INPP5A: variants seen among roughly 807,000 people sequenced by gnomAD.
INPP5A encodes 43 kDa inositol polyphosphate 5-phophatase.
A neutral mutation model predicts 65.2 loss-of-function variants in INPP5A; 14 were observed. The observed-to-expected ratio is 0.21, with a 90% CI of 0.14 to 0.34. INPP5A has a LOEUF of 0.34. Ranked by LOEUF, INPP5A falls within the 10% of genes least tolerant of loss-of-function variation. INPP5A has a pLI of 1.00. For synonymous variants in INPP5A, 207 were observed against 208.3 expected (o/e 0.99, Z 0.05); for missense variants, 431 against 545.6 (o/e 0.79, Z 2.09).
At chr10:132,577,374 G>T (rs1324758437) in intron 1 of INPP5A, among the ~76,000 whole-genome samples, 3 of 152,258 alleles carry the variant, frequency 2.0e-5, no homozygotes, top group Non-Finnish European at 4.4e-5. Flanking sequence ...GGGGTCAAAA[G>T]GTGGTGGGGT....
chr10:132,723,149 C>T (rs539691408), intron 8 of INPP5A, among the ~76,000 whole-genome samples: 16 of 152,342 alleles, frequency 1.1e-4, no homozygotes, highest in Middle Eastern at 3.4e-3. Flanking sequence ...CCAGACAGGA[C>T]GATGACGCGG....
intron 1 of INPP5A, among the ~76,000 whole-genome samples, chr10:132,569,577 C>T (rs1397460716): frequency 3.3e-5 from 5 of 152,174 alleles, no homozygotes; most frequent in African/African-American, 9.7e-5. Flanking sequence ...AGGCTGGTCT[C>T]GAACTCCTGA....
intron 1 of INPP5A, among the ~76,000 whole-genome samples, chr10:132,548,284 C>T (rs1237506500): frequency 1.3e-5 from 2 of 152,002 alleles, no homozygotes; most frequent in East Asian, 1.9e-4. Flanking sequence ...GTCCCCGGAC[C>T]GTGGTGGTGT....
intron 1 of INPP5A, among the ~76,000 whole-genome samples, chr10:132,548,792 CTTT>C (rs71013535): frequency 5.0e-5 from 4 of 79,312 alleles, no homozygotes; most frequent in Admixed American, 3.1e-4. Flanking sequence ...GTTTATCTGG[CTTT>C]TTTTTTTTTT....
At chr10:132,716,021 C>T (rs534434895) in intron 8 of INPP5A, among the ~76,000 whole-genome samples, 386 of 152,350 alleles carry the variant, frequency 2.5e-3, no homozygotes, top group African/African-American at 7.4e-3. Context: ...CACTGCTGCC[C>T]GGCAGGAGGG....
chr10:132,695,247 C>A (rs1030261844), intron 5 of INPP5A, among the ~76,000 whole-genome samples: 1 of 152,032 alleles, frequency 6.6e-6, no homozygotes, highest in African/African-American at 2.4e-5. Flanking sequence ...AGGAAAATCA[C>A]ATGATCATAG....
At chr10:132,559,645 C>T (rs182634573) in intron 1 of INPP5A, among the ~76,000 whole-genome samples, 1 of 147,166 alleles carries the variant, frequency 6.8e-6, no homozygotes, top group Non-Finnish European at 1.5e-5. Flanking sequence ...CTCACTTACT[C>T]AGCACGTGTG....
At chr10:132,685,484 A>T (rs1401569048) in intron 4 of INPP5A, among the ~76,000 whole-genome samples, 1 of 152,200 alleles carries the variant, frequency 6.6e-6, no homozygotes, top group Admixed American at 6.5e-5. Context: ...AGTTTTAGGA[A>T]TGTGTTCTGT....
intron 9 of INPP5A, among the ~76,000 whole-genome samples, chr10:132,730,306 C>T (rs1347257543): frequency 6.6e-6 from 1 of 152,266 alleles, no homozygotes; most frequent in Non-Finnish European, 1.5e-5. Flanking sequence ...CCGCCCCCAT[C>T]ACGCTGGTGT....
chr10:132,616,380 C>T lies in INPP5A; in HGVS notation c.117+8424C>T, dbSNP rs773846259. Among the ~76,000 whole-genome samples the T allele has an allele frequency of 6.7e-6, 1 of 149,296 alleles. No homozygotes were observed. The highest frequency in any genetic ancestry group is 1.5e-5 in the Non-Finnish European group (1 of 67,126). ...ACGTGGCGTGCGGGGACGCCGTGGG[C>T]GTGGTGTGAGGTATGTGGCGTGCGG... On this transcript the variant is annotated intron_variant, in intron 2 of 15. Transcript: ENST00000368594. The surrounding 1 kb of genome is among the most constrained non-coding windows in gnomAD (Gnocchi z 4.9).
intron 2 of INPP5A, among the ~76,000 whole-genome samples, chr10:132,631,075 C>T (rs1474313511): frequency 6.6e-6 from 1 of 152,212 alleles, no homozygotes; most frequent in Non-Finnish European, 1.5e-5. Flanking sequence ...TCCCACACCC[C>T]TCCCCATGGT....
intron 2 of INPP5A, among the ~76,000 whole-genome samples, chr10:132,615,110 G>A (rs995150479): frequency 9.2e-5 from 14 of 152,346 alleles, no homozygotes; most frequent in African/African-American, 2.6e-4. Context: ...GGGATGGTGC[G>A]TGGGGCAAGA....
At chr10:132,557,322 G>A (rs1294916153) in intron 1 of INPP5A, among the ~76,000 whole-genome samples, 5 of 152,244 alleles carry the variant, frequency 3.3e-5, no homozygotes, top group African/African-American at 4.8e-5. Context: ...GCTCAGTGCC[G>A]GGCAGATGTG....
chr10:132,622,336 A>G (rs2072122473), intron 2 of INPP5A, among the ~76,000 whole-genome samples: 1 of 150,374 alleles, frequency 6.7e-6, no homozygotes, highest in Non-Finnish European at 1.5e-5. Context: ...TGGAAGACTC[A>G]GTTACGCTGA....
Position 132,690,526 on chromosome 10 carries a change from C to T in INPP5A, c.370+71C>T, listed in dbSNP as rs1845241601. The T allele has an allele frequency of 3.6e-6, 4 of 1,111,626 alleles. No homozygotes were observed. The Admixed American group carries it at 7.0e-5, about 19-fold the overall frequency. 68.9% of individuals were successfully genotyped at this position (1,111,626 alleles called of 1,614,324 possible). ...CCTCCTGGTGTCTGGCTTCCCCAGA[C>T]CTCTCCTGCCCTGTCTCTGTGAGTG... On this transcript the variant is annotated intron_variant, in intron 5 of 15. Coordinates refer to ENST00000368594, the MANE Select transcript of INPP5A (RefSeq NM_005539.5).
chr10:132,696,566 C>A (rs1845347247), intron 5 of INPP5A, among the ~76,000 whole-genome samples: 1 of 152,178 alleles, frequency 6.6e-6, no homozygotes, highest in Non-Finnish European at 1.5e-5. Flanking sequence ...AAGAAGCCAA[C>A]CTGAAAAGGC....
chr10:132,612,144 A>AAG, intron 2 of INPP5A, among the ~76,000 whole-genome samples: 1 of 144,364 alleles, frequency 6.9e-6, no homozygotes, highest in Admixed American at 7.1e-5. Flanking sequence ...GAGGGAGGTT[A>AAG]TGAGTTCGTG....
intron 9 of INPP5A, among the ~76,000 whole-genome samples, chr10:132,738,242 G>C (rs973119105): frequency 1.3e-5 from 2 of 152,330 alleles, no homozygotes; most frequent in African/African-American, 4.8e-5. Flanking sequence ...CAGGTCTCTC[G>C]TGCCAAGGCA....
chr10:132,558,684 T>A (rs559791088), intron 1 of INPP5A, among the ~76,000 whole-genome samples: 2 of 152,228 alleles, frequency 1.3e-5, no homozygotes, highest in Admixed American at 1.3e-4. Context: ...GGCGGTAGCC[T>A]TGGCAGCATT....
Sources: gnomAD v4.1 joint callset for allele counts (sites outside exome capture counted in the v4.1 genomes callset) on GRCh38, gnomAD v4.1.1 for gene constraint, Gnocchi (gnomAD v3.1) non-coding constraint, MANE v1.5 for transcripts, NCBI Gene and HGNC (gene_info 2026-07-23, HGNC 2026-07-21) for gene names.